SLC8A3: variants seen among roughly 807,000 people sequenced by gnomAD.
SLC8A3 encodes solute carrier family 8 member A3, also known as sodium/calcium exchanger 3.
Under a neutral mutation model 65.4 loss-of-function variants are expected in SLC8A3, and 37 were observed. That is an observed-to-expected ratio of 0.57 (90% CI 0.44 to 0.74). The LOEUF (loss-of-function observed/expected upper bound fraction) is 0.74, where lower values mean the gene tolerates loss of function less well. Ranked by LOEUF, SLC8A3 falls within the 30% of genes least tolerant of loss-of-function variation. The pLI is 0.00. For missense variants in SLC8A3, 1,112 were observed against 1,172.1 expected, an observed-to-expected ratio of 0.95 and a Z score of 0.75; for synonymous variants, 461 against 444.5, an observed-to-expected ratio of 1.04 and a Z score of -0.47.
intron 2 of SLC8A3, among the ~76,000 whole-genome samples, chr14:70,101,046 A>G (rs1214853828): frequency 6.6e-6 from 1 of 152,256 alleles, no homozygotes; most frequent in Non-Finnish European, 1.5e-5. Context: ...GATCTAAAAG[A>G]CAGAAGTCAA....
At chr14:70,170,810 T>C (rs980067722) in intron 1 of SLC8A3, among the ~76,000 whole-genome samples, 1 of 152,152 alleles carries the variant, frequency 6.6e-6, no homozygotes, top group Non-Finnish European at 1.5e-5. Flanking sequence ...GGCAGCCAAG[T>C]TCTGAAGCCC....
Position 70,096,577 on chromosome 14 carries a change from C to T in SLC8A3, c.1785-35638G>A, listed in dbSNP as rs77180558. Among the ~76,000 whole-genome samples the T allele has an allele frequency of 8.7e-3, 1,324 of 152,318 alleles. 18 individuals are homozygous for T. Among genetic ancestry groups the T allele is most frequent in the African/African-American group, 0.031 (1,293 of 41,554 alleles). The stretch of plus-strand genomic sequence containing the variant: ...GCCCAGTTTCACATCACAGCTCCAC[C>T]CACTTACTAGTTATGTGACCTTGAG... On this transcript the variant is annotated intron_variant, in intron 2 of 6. Transcript: ENST00000356921.
At chr14:70,149,888 T>C (rs1420203986) in intron 2 of SLC8A3, among the ~76,000 whole-genome samples, 1 of 152,202 alleles carries the variant, frequency 6.6e-6, no homozygotes, top group Non-Finnish European at 1.5e-5. Context: ...CCTTCTTCCC[T>C]GTCCTGGGGC....
intron 2 of SLC8A3, among the ~76,000 whole-genome samples, chr14:70,142,727 G>A (rs1895660066): frequency 6.6e-6 from 1 of 152,166 alleles, no homozygotes; most frequent in African/African-American, 2.4e-5. Flanking sequence ...TTATCTGAAT[G>A]TTAGTATTTT....
intron 2 of SLC8A3, among the ~76,000 whole-genome samples, chr14:70,131,117 G>T (rs1325048015): frequency 6.6e-6 from 1 of 152,174 alleles, no homozygotes; most frequent in Admixed American, 6.5e-5. Context: ...AAAACAGTCA[G>T]GAGAATGCTC....
chr14:70,182,162 G>A (rs1017172156), intron 1 of SLC8A3, among the ~76,000 whole-genome samples: 26 of 152,290 alleles, frequency 1.7e-4, no homozygotes, highest in Middle Eastern at 3.4e-3. Context: ...CAGGGTGACT[G>A]GAAGTTTGTT....
chr14:70,167,740 A>C lies in SLC8A3; in HGVS notation c.683T>G (p.Val228Gly). ...YMILAVFSPG[V>G]VQVWEGLLTL... ...GAGGAGGCCTTCCCAAACCTGGACC[A>C]CACCAGGGGAGAAGACTGCCAGAAT... Residue 228 changes from valine to glycine, a missense_variant, in exon 2 of 7, where the codon GTG becomes GGG. Coordinates refer to ENST00000356921, the MANE Select transcript of SLC8A3 (RefSeq NM_182932.3). 1.2e-6 allele frequency: 2 copies of C among 1,614,176 alleles called. No individual in the cohort carries two copies. Among genetic ancestry groups the C allele is most frequent in the Non-Finnish European group, 1.7e-6 (2 of 1,180,026 alleles).
intron 2 of SLC8A3, among the ~76,000 whole-genome samples, chr14:70,128,282 A>G (rs1252272607): frequency 6.6e-6 from 1 of 152,172 alleles, no homozygotes; most frequent in African/African-American, 2.4e-5. Context: ...CTGCAAAACT[A>G]ACTTTTCTAG....
intron 3 of SLC8A3, chr14:70,055,666 C>T (rs1016200922): frequency 4.2e-6 from 3 of 709,114 alleles, no homozygotes; most frequent in African/African-American, 3.6e-5. Flanking sequence ...TCTCCCAGTC[C>T]TTGGGAGAAA....
At chr14:70,126,351 TG>T (rs1339606090) in intron 2 of SLC8A3, among the ~76,000 whole-genome samples, 1 of 152,168 alleles carries the variant, frequency 6.6e-6, no homozygotes, top group Non-Finnish European at 1.5e-5. Flanking sequence ...ACTTGTGAAA[TG>T]TGCTTGAAGA....
chr14:70,174,070 A>G (rs1054911943), intron 1 of SLC8A3, among the ~76,000 whole-genome samples: 5 of 152,236 alleles, frequency 3.3e-5, no homozygotes, highest in African/African-American at 1.2e-4. Flanking sequence ...TTTGCCTAAG[A>G]CCCCAGTTAG....
chr14:70,132,407 A>T (rs1230445541), intron 2 of SLC8A3, among the ~76,000 whole-genome samples: 1 of 152,220 alleles, frequency 6.6e-6, no homozygotes, highest in Non-Finnish European at 1.5e-5. Context: ...GGAAGAGCCA[A>T]TTCATTTTAC....
At chr14:70,175,273 T>C (rs8018675) in intron 1 of SLC8A3, among the ~76,000 whole-genome samples, 2,456 of 152,254 alleles carry the variant, frequency 0.016, 75 homozygotes, top group African/African-American at 0.057. Flanking sequence ...CACTTTTATA[T>C]CTGTTATTTA....
At chr14:70,174,671 T>TGG (rs1566833603) in intron 1 of SLC8A3, among the ~76,000 whole-genome samples, 103 of 110,536 alleles carry the variant, frequency 9.3e-4, no homozygotes, top group African/African-American at 3.1e-3. Flanking sequence ...TGTTTTTTTT[T>TGG]TTTTTTTTTT....
At chr14:70,147,809 G>C (rs976792883) in intron 2 of SLC8A3, among the ~76,000 whole-genome samples, 1 of 152,154 alleles carries the variant, frequency 6.6e-6, no homozygotes, top group Admixed American at 6.5e-5. Context: ...ATTGTGCCTG[G>C]ACTCATGATT....
intron 1 of SLC8A3, among the ~76,000 whole-genome samples, chr14:70,171,838 G>T (rs1242833186): frequency 6.6e-6 from 1 of 151,274 alleles, no homozygotes; most frequent in Non-Finnish European, 1.5e-5. Flanking sequence ...AAGGCGGTGA[G>T]ATGGCTAGTA....
At chr14:70,121,822 A>AT (rs34718038) in intron 2 of SLC8A3, among the ~76,000 whole-genome samples, 36,553 of 150,216 alleles carry the variant, frequency 0.24, 5,516 homozygotes, top group East Asian at 0.51. Context: ...AAAATTTTAC[A>AT]TTTTTTTTTC....
chr14:70,137,887 G>A (rs1235838326), intron 2 of SLC8A3, among the ~76,000 whole-genome samples: 6 of 150,222 alleles, frequency 4.0e-5, no homozygotes, highest in East Asian at 2.0e-4. Flanking sequence ...AGGGGAGAAC[G>A]ATGGATGACT....
chr14:70,182,142 G>T (rs1882804086), intron 1 of SLC8A3, among the ~76,000 whole-genome samples: 1 of 152,102 alleles, frequency 6.6e-6, no homozygotes, highest in Admixed American at 6.6e-5. Context: ...TAAACTTGGA[G>T]GTTTCGAGCC....
Sources: gnomAD v4.1 joint callset for allele counts (sites outside exome capture counted in the v4.1 genomes callset) on GRCh38, gnomAD v4.1.1 for gene constraint, MANE v1.5 for transcripts, NCBI Gene and HGNC (gene_info 2026-07-23, HGNC 2026-07-21) for gene names.